The following CSK variants were observed in gnomAD, a reference collection of about 807,000 sequenced individuals.
CSK encodes tyrosine-protein kinase CSK.
CSK carries 7 observed loss-of-function variants against 62.3 expected under a neutral mutation model. The observed-to-expected ratio is 0.11, with a 90% CI of 0.06 to 0.21. The LOEUF (loss-of-function observed/expected upper bound fraction) is 0.21, where lower values mean the gene tolerates loss of function less well. Among genes scored for constraint, CSK ranks in the 10% least tolerant of loss-of-function variants. The probability of loss-of-function intolerance (pLI) is 1.00; values close to 1 mark genes in which losing one functional copy is unlikely to be tolerated. For missense variants in CSK, 294 were observed against 613.5 expected (o/e 0.48, Z 5.50); for synonymous variants, 237 against 246.0 (o/e 0.96, Z 0.34).
intron 1 of CSK, among the ~76,000 whole-genome samples, chr15:74,787,900 G>C (rs575651914): frequency 6.6e-6 from 1 of 152,184 alleles, no homozygotes; most frequent in East Asian, 1.9e-4. Flanking sequence ...TGTGCTGTCC[G>C]TGCTGCAGGG....
chr15:74,785,787 A>AC (rs1232555165), intron 1 of CSK, among the ~76,000 whole-genome samples: 1 of 151,306 alleles, frequency 6.6e-6, no homozygotes, highest in African/African-American at 2.4e-5. Flanking sequence ...CCCCTGTGAA[A>AC]CCCCCTGGCC....
chr15:74,802,639 C>T lies in CSK; in HGVS notation c.*126C>T, dbSNP rs1480131499. On this transcript the variant is annotated 3_prime_UTR_variant, in exon 13 of 13. Transcript: ENST00000220003. The stretch of plus-strand genomic sequence containing the variant: ...AGCGGGCTGGCGGGCCTTTTTCCTG[C>T]GTCCCAGCCTGCACCCCTCCGGCCC... 8.2e-6 allele frequency: 10 copies of T among 1,212,220 alleles called. No individual in the cohort carries two copies. The highest frequency in any genetic ancestry group is 3.1e-5 in the African/African-American group (2 of 63,886). The allele number at this position is 1,212,220 out of a possible 1,614,324, so 75.1% of individuals were successfully genotyped here.
rs149938893 is a variant in CSK at position 74,801,971 on chromosome 15, C to T, written c.1084-26C>T. 15,539 of 1,612,380 alleles carry T rather than the reference C, an allele frequency of 9.6e-3. 95 individuals are homozygous for T. Among genetic ancestry groups the T allele is most frequent in the Non-Finnish European group, 0.012 (13,877 of 1,179,074 alleles). On this transcript the variant is annotated intron_variant, in intron 11 of 12. Transcript: ENST00000220003. Reference sequence around the variant, plus strand: ...CCCACCCTGGAGTCCCAGGATCTGACGCTGCTTCTTCCATCCACATGGCAG... The same window carrying T: ...CCCACCCTGGAGTCCCAGGATCTGATGCTGCTTCTTCCATCCACATGGCAG...
rs753051278 is a variant in CSK, at chr15:74,801,606, C to G, written c.887+11C>G. The stretch of plus-strand genomic sequence containing the variant: ...CCTCAAGTTCTCGCTGTGAGTGAAG[C>G]AGCCTCTTGGATGGGTAGGGTTTGA... On this transcript the variant is annotated intron_variant, in intron 10 of 12. Coordinates refer to ENST00000220003, the MANE Select transcript of CSK (RefSeq NM_004383.3). 4 of 1,613,542 alleles carry G rather than the reference C, an allele frequency of 2.5e-6. No individual in the cohort carries two copies. Among genetic ancestry groups the G allele is most frequent in the Non-Finnish European group, 3.4e-6 (4 of 1,179,644 alleles).
At chr15:74,789,229 A>C (rs999911157) in intron 1 of CSK, among the ~76,000 whole-genome samples, 1 of 152,194 alleles carries the variant, frequency 6.6e-6, no homozygotes, top group African/African-American at 2.4e-5. Context: ...GGGGTAGGGC[A>C]GCGTGCCCTG....
intron 1 of CSK, among the ~76,000 whole-genome samples, chr15:74,790,116 G>T (rs1400614243): frequency 6.6e-6 from 1 of 152,238 alleles, no homozygotes; most frequent in Non-Finnish European, 1.5e-5. Flanking sequence ...GCCTCCAGTG[G>T]CTGTCCCCAT....
chr15:74,797,457 G>A (rs1207859423), intron 1 of CSK, among the ~76,000 whole-genome samples: 1 of 152,174 alleles, frequency 6.6e-6, no homozygotes, highest in Non-Finnish European at 1.5e-5. Flanking sequence ...TCAGGAGGTG[G>A]AGGTTGCAAT....
In CSK at chr15:74,802,515, G is replaced by A. The variant is rs138145593; in HGVS notation, c.*2G>A. 3.4e-5 allele frequency: 55 copies of A among 1,611,900 alleles called. No individual in the cohort carries two copies. The African/African-American group carries it at 4.0e-4, about 12-fold the overall frequency. ...AAAACCCACGAGCTGCACCTGTGAC[G>A]GCTGGCCTCCGCCTGGGTCATGGGC... On this transcript the variant is annotated 3_prime_UTR_variant, in exon 13 of 13. Coordinates refer to ENST00000220003, the MANE Select transcript of CSK (RefSeq NM_004383.3).
chr15:74,785,186 TGTC>T (rs1444047624), intron 1 of CSK, among the ~76,000 whole-genome samples: 7 of 152,228 alleles, frequency 4.6e-5, no homozygotes, highest in African/African-American at 1.7e-4. Flanking sequence ...TTTCCTTCAT[TGTC>T]GTTGTCACTG....
chr15:74,802,224 G>T (rs764024452), intron 12 of CSK, 107 bp from the exon 13 acceptor site: 77 of 1,406,898 alleles, frequency 5.5e-5, no homozygotes, highest in Non-Finnish European at 7.2e-5. Flanking sequence ...GCCACTCTCC[G>T]GGCCTGGGTC....
In CSK at chr15:74,802,559, G is replaced by C; in HGVS notation, c.*46G>C. 1 of 1,593,868 alleles carries C rather than the reference G, an allele frequency of 6.3e-7. No homozygotes were observed. Among genetic ancestry groups the C allele is most frequent in the Non-Finnish European group, 8.5e-7 (1 of 1,174,026 alleles). ...CATGGGCCTGTGGGGACTGAACCTG[G>C]AAGATCATGGACCTGGTGCCCCTGC... On this transcript the variant is annotated 3_prime_UTR_variant, in exon 13 of 13. Transcript: ENST00000220003.
At chr15:74,801,187 C>A in intron 9 of CSK, 85 bp downstream of exon 9, 2 of 1,477,432 alleles carry the variant, frequency 1.4e-6, no homozygotes, top group Non-Finnish European at 1.9e-6. Context: ...CTCCCTCAGT[C>A]CCCCGACCCC....
At chr15:74,797,816 T>C (rs1221730898) in intron 1 of CSK, 3 of 154,970 alleles carry the variant, frequency 1.9e-5, no homozygotes, top group African/African-American at 7.3e-5. Context: ...CTGGGCGGGA[T>C]TTTGCAGGTG....
intron 1 of CSK, among the ~76,000 whole-genome samples, chr15:74,787,240 G>C (rs949958922): frequency 1.3e-5 from 2 of 152,282 alleles, no homozygotes; most frequent in Non-Finnish European, 2.9e-5. Context: ...ATAAAGAGCT[G>C]GTGAAGGAAG....
chr15:74,791,948 T>G (rs1167915405), intron 1 of CSK, among the ~76,000 whole-genome samples: 2 of 152,212 alleles, frequency 1.3e-5, no homozygotes, highest in African/African-American at 2.4e-5. Flanking sequence ...CTGTTTCCAA[T>G]TAGCCTGTGG....
At chr15:74,800,184 G>A (rs973300619) in intron 5 of CSK, among the ~76,000 whole-genome samples, 1 of 152,202 alleles carries the variant, frequency 6.6e-6, no homozygotes, top group African/African-American at 2.4e-5. Context: ...AGTGGTAGCA[G>A]CAGCTGAGTG....
At chr15:74,794,666 C>G (rs2063678617) in intron 1 of CSK, among the ~76,000 whole-genome samples, 1 of 152,112 alleles carries the variant, frequency 6.6e-6, no homozygotes, top group South Asian at 2.1e-4. Flanking sequence ...CAGGAGATAC[C>G]TGTCCTCCCC....
chr15:74,799,096 T>TG (rs937878837), intron 4 of CSK, 158 bp downstream of exon 4: 64 of 952,792 alleles, frequency 6.7e-5, no homozygotes, highest in Non-Finnish European at 9.4e-5. Flanking sequence ...AGAGCAGGGC[T>TG]GGGGGCAGAG....
intron 11 of CSK, 52 bp from the exon 12 acceptor site, chr15:74,801,945 C>A (rs1453987451): frequency 6.2e-7 from 1 of 1,609,554 alleles, no homozygotes; most frequent in Non-Finnish European, 8.5e-7. Flanking sequence ...CTGGGTCACT[C>A]CCCACCCTGG....
Sources: allele counts gnomAD v4.1 joint callset (sites outside exome capture counted in the v4.1 genomes callset), GRCh38; gene constraint gnomAD v4.1.1; transcripts MANE v1.5; gene names NCBI Gene and HGNC (gene_info 2026-07-23, HGNC 2026-07-21).